The following LRPPRC variants were observed in gnomAD, a reference collection of about 807,000 sequenced individuals.
The protein encoded by LRPPRC is leucine-rich PPR motif-containing protein, mitochondrial.
In LRPPRC, 120 loss-of-function variants were observed where a neutral mutation model predicts 180.3. The observed-to-expected ratio is 0.67, with a 90% CI of 0.57 to 0.77. The LOEUF (loss-of-function observed/expected upper bound fraction) is 0.77. Among genes scored for constraint, LRPPRC ranks in the 30% least tolerant of loss-of-function variants. The probability of loss-of-function intolerance (pLI) is 0.00; values close to 1 mark genes in which losing one functional copy is unlikely to be tolerated. For synonymous variants in LRPPRC, 723 were observed against 600.0 expected (o/e 1.21, Z -3.00); for missense variants, 2,012 against 1,657.2 (o/e 1.21, Z -3.72).
intron 15 of LRPPRC, 107 bp from the exon 16 acceptor site, chr2:43,949,766 T>C: frequency 2.6e-6 from 2 of 779,102 alleles, no homozygotes; most frequent in East Asian, 5.3e-5. Context: ...AGTAAGGTAC[T>C]ATTCTATTTC....
At chr2:43,964,269 T>G (rs898632525) in intron 11 of LRPPRC, among the ~76,000 whole-genome samples, 1 of 152,182 alleles carries the variant, frequency 6.6e-6, no homozygotes, top group African/African-American at 2.4e-5. Context: ...GTTTCCTCTA[T>G]CTCATTTCCC....
chr2:43,924,475 T>C (rs970550343), intron 27 of LRPPRC, among the ~76,000 whole-genome samples: 1 of 152,146 alleles, frequency 6.6e-6, no homozygotes, highest in Non-Finnish European at 1.5e-5. Flanking sequence ...AAATGGAAAA[T>C]GGAAATCTAT....
intron 12 of LRPPRC, among the ~76,000 whole-genome samples, chr2:43,962,532 C>CT (rs1219351273): frequency 6.6e-6 from 1 of 152,200 alleles, no homozygotes. Flanking sequence ...CTGCACAGCA[C>CT]TTTTTGTTTT....
In LRPPRC at chr2:43,973,878, T is replaced by G. The variant is rs1482928517; in HGVS notation, c.1178A>C (p.Tyr393Ser). ...CTGGACTTCCTTTAACTTCTTACAG[T>G]AGTCTGTTAGCTTCTCCACAGGCTG... is the stretch of plus-strand genomic sequence containing the variant. ...MNTPVEKLTDYCKKLKEVQMH... is the reference protein window; with the variant it reads ...MNTPVEKLTDSCKKLKEVQMH... The change falls in exon 10 of 38, where the codon TAC becomes TCC. Residue 393 changes from tyrosine (Y) to serine (S), a missense_variant. Transcript: ENST00000260665. The G allele has an allele frequency of 8.7e-6, 14 of 1,608,838 alleles. No homozygotes were observed. Among genetic ancestry groups the G allele is most frequent in the Non-Finnish European group, 1.2e-5 (14 of 1,175,450 alleles).
intron 27 of LRPPRC, among the ~76,000 whole-genome samples, chr2:43,921,763 T>C (rs1464972243): frequency 6.6e-6 from 1 of 152,148 alleles, no homozygotes; most frequent in East Asian, 1.9e-4. Context: ...ACTTGTGTAA[T>C]AATGGAGGAG....
At chr2:43,899,730 T>G (rs1003470458) in intron 32 of LRPPRC, 125 bp from the exon 33 acceptor site, 1 of 674,046 alleles carries the variant, frequency 1.5e-6, no homozygotes, top group Non-Finnish European at 2.6e-6. Flanking sequence ...GAAATACATT[T>G]ACACTTAACC....
In LRPPRC at chr2:43,949,811, G is replaced by A; in HGVS notation, c.1678-152C>T. 4.6e-5 allele frequency: 31 copies of A among 670,056 alleles called. 1 individual carries two copies. The South Asian group carries it at 4.8e-4, about 10-fold the overall frequency. 41.5% of individuals were successfully genotyped at this position (670,056 alleles called of 1,614,324 possible). On this transcript the variant is annotated intron_variant, in intron 15 of 37. Coordinates refer to ENST00000260665, the MANE Select transcript of LRPPRC (RefSeq NM_133259.4). ...CAAAACCACCCCCACCCGCCAAGGA[G>A]ATTGTTTTGTTTTTAAATAATAGGT...
intron 11 of LRPPRC, among the ~76,000 whole-genome samples, chr2:43,965,810 T>C (rs2103680526): frequency 6.6e-6 from 1 of 152,160 alleles, no homozygotes. Context: ...TAAGCCACAA[T>C]GAGATATCAC....
chr2:43,957,530 T>G, intron 13 of LRPPRC, 79 bp from the exon 14 acceptor site: 2 of 994,894 alleles, frequency 2.0e-6, no homozygotes, highest in South Asian at 2.6e-5. Flanking sequence ...GAAAACATAT[T>G]TATACCAATA....
intron 12 of LRPPRC, among the ~76,000 whole-genome samples, chr2:43,963,133 T>A (rs1673416607): frequency 6.6e-6 from 1 of 152,168 alleles, no homozygotes; most frequent in African/African-American, 2.4e-5. Flanking sequence ...CAACTAATAT[T>A]TTTACAAAGC....
chr2:43,930,129 T>C (rs1672033030), intron 25 of LRPPRC, among the ~76,000 whole-genome samples: 1 of 151,896 alleles, frequency 6.6e-6, no homozygotes, highest in South Asian at 2.1e-4. Flanking sequence ...AATCCAAGCT[T>C]TTGGTCTTAA....
At chr2:43,946,037 T>C in intron 21 of LRPPRC, 76 bp downstream of exon 21, 1 of 1,421,288 alleles carries the variant, frequency 7.0e-7, no homozygotes, top group South Asian at 1.1e-5. Context: ...GAGAGTAATA[T>C]TCCATCTAGA....
At chr2:43,963,804 A>G (rs1189358814) in intron 11 of LRPPRC, 98 bp from the exon 12 acceptor site, 1 of 788,252 alleles carries the variant, frequency 1.3e-6, no homozygotes, top group African/African-American at 1.7e-5. Context: ...ATCACAGTAT[A>G]AGAAAATTAC....
intron 36 of LRPPRC, among the ~76,000 whole-genome samples, chr2:43,893,221 A>G (rs561099271): frequency 5.6e-4 from 86 of 152,372 alleles, no homozygotes; most frequent in African/African-American, 2.0e-3. Flanking sequence ...TGCTGTGAAC[A>G]CTGTTGAGAT....
Position 43,950,570 on chromosome 2 carries a change from T to C in LRPPRC, c.1677+3A>G, listed in dbSNP as rs1434197322. ...TATGATTTGCAATATTAGAGGGACTTACCTCGCTCCAAAGATTTATATTCA... is the reference window on the plus strand; with the variant it reads ...TATGATTTGCAATATTAGAGGGACTCACCTCGCTCCAAAGATTTATATTCA... On this transcript the variant is annotated splice_donor_region_variant and intron_variant, in intron 15 of 37. Coordinates refer to ENST00000260665, the MANE Select transcript of LRPPRC (RefSeq NM_133259.4). The C allele has an allele frequency of 1.2e-6, 2 of 1,613,092 alleles. No homozygotes were observed. The highest frequency in any genetic ancestry group is 8.5e-7 in the Non-Finnish European group (1 of 1,179,096).
chr2:43,923,812 A>T lies in LRPPRC; in HGVS notation c.2896+1255T>A, dbSNP rs1382022473. ...TCAGTGCTTCTTTTGAACTTGGCAC[A>T]TTAGAATTTCATCATGAAATTGTTT... On this transcript the variant is annotated intron_variant, in intron 27 of 37. Transcript: ENST00000260665. 2.6e-5 allele frequency among the ~76,000 whole-genome samples: 4 copies of T among 152,100 alleles called. No individual in the cohort carries two copies. In the South Asian group the frequency reaches 6.2e-4, roughly 24 times the overall value.
At chr2:43,965,416 A>T (rs1673513401) in intron 11 of LRPPRC, among the ~76,000 whole-genome samples, 1 of 152,192 alleles carries the variant, frequency 6.6e-6, no homozygotes, top group South Asian at 2.1e-4. Flanking sequence ...AAAGACTTAA[A>T]CTTGAAACCA....
At chr2:43,904,692 C>CAAAAAAAA (rs775237727) in intron 31 of LRPPRC, 1 of 43,174 alleles carries the variant, frequency 2.3e-5, no homozygotes. Context: ...GACCCTATCT[C>CAAAAAAAA]AAAAAAAACA....
At chr2:43,953,697 T>C (rs941418728) in intron 14 of LRPPRC, among the ~76,000 whole-genome samples, 11 of 152,300 alleles carry the variant, frequency 7.2e-5, no homozygotes, top group Admixed American at 4.6e-4. Flanking sequence ...AGGTAATCCA[T>C]TTTCGAATAT....
Sources: allele counts gnomAD v4.1 joint callset (sites outside exome capture counted in the v4.1 genomes callset), GRCh38; gene constraint gnomAD v4.1.1; transcripts MANE v1.5; gene names NCBI Gene and HGNC (gene_info 2026-07-23, HGNC 2026-07-21).